The following TMEM117 variants were observed in gnomAD, a reference collection of about 807,000 sequenced individuals.
TMEM117 encodes transmembrane protein 117.
In TMEM117, 27 loss-of-function variants were observed where a neutral mutation model predicts 52.4. That is an observed-to-expected ratio of 0.51 (90% CI 0.38 to 0.71). The LOEUF (loss-of-function observed/expected upper bound fraction) is 0.71. Ranked by LOEUF, TMEM117 falls within the 30% of genes least tolerant of loss-of-function variation. TMEM117 has a pLI of 0.00. For synonymous variants in TMEM117, 215 were observed against 206.3 expected (o/e 1.04, Z -0.36); for missense variants, 556 against 630.5 (o/e 0.88, Z 1.26).
At chr12:44,063,827 T>C (rs1947180313) in intron 3 of TMEM117, among the ~76,000 whole-genome samples, 1 of 152,068 alleles carries the variant, frequency 6.6e-6, no homozygotes, top group Non-Finnish European at 1.5e-5. Context: ...TATAAAGGAA[T>C]GCATGGCTCT....
At chr12:44,169,450 T>C (rs1446037859) in intron 4 of TMEM117, among the ~76,000 whole-genome samples, 2 of 152,226 alleles carry the variant, frequency 1.3e-5, no homozygotes, top group Non-Finnish European at 2.9e-5. Flanking sequence ...AGATTAGTGA[T>C]GGTTAAGTAT....
chr12:44,182,468 T>C (rs921100499), intron 4 of TMEM117, among the ~76,000 whole-genome samples: 2 of 152,142 alleles, frequency 1.3e-5, no homozygotes, highest in African/African-American at 2.4e-5. Flanking sequence ...ATTATCTCAA[T>C]AGATGCAGAA....
At chr12:44,379,713 G>A (rs775178235) in intron 7 of TMEM117, among the ~76,000 whole-genome samples, 4 of 152,138 alleles carry the variant, frequency 2.6e-5, no homozygotes, top group Admixed American at 6.5e-5. Context: ...TGTGCTACAT[G>A]CTGCATTTCA....
intron 5 of TMEM117, among the ~76,000 whole-genome samples, chr12:44,290,586 T>C (rs578245438): frequency 6.6e-6 from 1 of 152,338 alleles, no homozygotes; most frequent in South Asian, 2.1e-4. Context: ...TTTTGATTAC[T>C]GTAGCTTTGT....
the TMEM117 span, chr12:43,806,296 C>A: frequency 7.0e-7 from 1 of 1,437,340 alleles, no homozygotes; most frequent in South Asian, 1.3e-5. Context: ...CCAGCGGCCC[C>A]GGCCGGCGGC....
At chr12:44,152,310 AATCAT>A (rs1948747332) in intron 4 of TMEM117, among the ~76,000 whole-genome samples, 1 of 105,070 alleles carries the variant, frequency 9.5e-6, no homozygotes, top group Non-Finnish European at 1.6e-5. Context: ...ATTTATATAT[AATCAT>A]ATCATATAAA....
the TMEM117 span, chr12:43,806,481 G>A: frequency 4.7e-6 from 4 of 854,142 alleles, no homozygotes; most frequent in Non-Finnish European, 5.9e-6. Flanking sequence ...CTCTGCTTGG[G>A]GTCCTGCTTC....
At chr12:43,899,436 C>T (rs1944268182) in intron 2 of TMEM117, among the ~76,000 whole-genome samples, 1 of 152,078 alleles carries the variant, frequency 6.6e-6, no homozygotes. Flanking sequence ...CAATGTAAAA[C>T]ATTGGTAGTT....
intron 6 of TMEM117, among the ~76,000 whole-genome samples, chr12:44,316,152 C>A (rs971966226): frequency 6.6e-6 from 1 of 152,116 alleles, no homozygotes; most frequent in African/African-American, 2.4e-5. Flanking sequence ...TATATAATTG[C>A]TCTATAGGGT....
intron 3 of TMEM117, among the ~76,000 whole-genome samples, chr12:44,086,796 G>T (rs2138029968): frequency 6.6e-6 from 1 of 152,102 alleles, no homozygotes; most frequent in African/African-American, 2.4e-5. Flanking sequence ...CATGAGCATA[G>T]TACATGAGGT....
chr12:44,312,536 G>A (rs187517204), intron 6 of TMEM117, among the ~76,000 whole-genome samples: 14 of 152,166 alleles, frequency 9.2e-5, no homozygotes, highest in Non-Finnish European at 1.8e-4. Flanking sequence ...TTGATTCCAT[G>A]TCTTTTGCTA....
At chr12:43,931,949 C>T (rs1435600638) in intron 2 of TMEM117, among the ~76,000 whole-genome samples, 7 of 152,192 alleles carry the variant, frequency 4.6e-5, no homozygotes, top group South Asian at 2.1e-4. Flanking sequence ...TTTTTATGGG[C>T]GTTTGGTCTG....
At chr12:44,317,220 C>G (rs1328481666) in intron 6 of TMEM117, among the ~76,000 whole-genome samples, 2 of 149,892 alleles carry the variant, frequency 1.3e-5, no homozygotes, top group Admixed American at 6.6e-5. Flanking sequence ...GAGACACTGG[C>G]ACTTCTAATT....
chr12:44,104,701 G>T (rs907339674), intron 3 of TMEM117, among the ~76,000 whole-genome samples: 1 of 151,896 alleles, frequency 6.6e-6, no homozygotes, highest in African/African-American at 2.4e-5. Flanking sequence ...GTTCATCTGT[G>T]AATGTCTTTA....
chr12:44,173,143 T>A (rs1452201963), intron 4 of TMEM117, among the ~76,000 whole-genome samples: 2 of 152,258 alleles, frequency 1.3e-5, no homozygotes, highest in African/African-American at 2.4e-5. Flanking sequence ...TGGTGAAATC[T>A]TGATTCACTG....
the TMEM117 span, among the ~76,000 whole-genome samples, chr12:43,824,658 G>A: frequency 1.1e-3 from 172 of 152,324 alleles, 1 homozygote; most frequent in Admixed American, 6.5e-4. Flanking sequence ...CTGTAGGGCC[G>A]GGCGCAGTGG....
chr12:44,390,267 G>T (rs1952154629), downstream of TMEM117, among the ~76,000 whole-genome samples: 1 of 151,116 alleles, frequency 6.6e-6, no homozygotes. Context: ...GTAACCCATT[G>T]CCCATACTAT....
chr12:44,318,047 G>A (rs78193884), intron 6 of TMEM117, among the ~76,000 whole-genome samples: 10 of 152,230 alleles, frequency 6.6e-5, no homozygotes, highest in East Asian at 3.9e-4. Context: ...GAGGGGTGAC[G>A]GCCCGAACTC....
chr12:43,993,366 G>A (rs1945974470), intron 3 of TMEM117, among the ~76,000 whole-genome samples: 1 of 152,186 alleles, frequency 6.6e-6, no homozygotes. Context: ...TCAACAACGG[G>A]TGTTTGTTAC....
Sources: allele counts gnomAD v4.1 joint callset (sites outside exome capture counted in the v4.1 genomes callset), GRCh38; gene constraint gnomAD v4.1.1; transcripts MANE v1.5; gene names NCBI Gene and HGNC (gene_info 2026-07-23, HGNC 2026-07-21).